The following MSANTD5 variants were observed in gnomAD, a reference collection of about 807,000 sequenced individuals.
MSANTD5 encodes Myb/SANT DNA binding domain containing 5, also known as uncharacterized protein MSANTD5.
chr5:178,703,072 T>C, the MSANTD5 span, among the ~76,000 whole-genome samples: 8 of 152,204 alleles, frequency 5.3e-5, no homozygotes, highest in Non-Finnish European at 1.0e-4. Context: ...ACAGATTCCA[T>C]GAAGACATCA....
upstream of MSANTD5, among the ~76,000 whole-genome samples, chr5:178,699,307 C>T (rs796705036): frequency 1.2e-4 from 19 of 152,342 alleles, no homozygotes; most frequent in African/African-American, 4.6e-4. Context: ...TTCTGCCCTG[C>T]TATAAATGGC....
chr5:178,693,561 A>C (rs151337097), downstream of MSANTD5, among the ~76,000 whole-genome samples: 579 of 152,146 alleles, frequency 3.8e-3, 18 homozygotes, highest in African/African-American at 0.014. Context: ...GTGCAGACCC[A>C]AAGGGTGAGC....
At chr5:178,704,307 C>T in the MSANTD5 span, among the ~76,000 whole-genome samples, 120 of 152,214 alleles carry the variant, frequency 7.9e-4, no homozygotes, top group African/African-American at 2.8e-3. Flanking sequence ...GGGGATGAGG[C>T]CCCCGGGAGA....
intron 1 of MSANTD5, among the ~76,000 whole-genome samples, chr5:178,697,272 G>A (rs900878030): frequency 6.7e-6 from 1 of 150,224 alleles, no homozygotes; most frequent in Admixed American, 6.6e-5. Flanking sequence ...GGCTAACACG[G>A]TGAAACCCCG....
At chr5:178,698,444 G>GC (rs34484660), upstream of MSANTD5, among the ~76,000 whole-genome samples, 99,729 of 151,938 alleles carry the variant, frequency 0.66, 34,579 homozygotes, top group East Asian at 0.76. Flanking sequence ...GATTAGGGAT[G>GC]CCCTCAGAAC....
intron 1 of MSANTD5, among the ~76,000 whole-genome samples, chr5:178,696,597 C>T (rs567159980): frequency 1.9e-4 from 29 of 152,124 alleles, no homozygotes; most frequent in Non-Finnish European, 4.0e-4. Context: ...TGGACAAGGG[C>T]GCGTGGGACA....
chr5:178,698,230 C>T (rs559891964), upstream of MSANTD5, among the ~76,000 whole-genome samples: 5 of 152,176 alleles, frequency 3.3e-5, no homozygotes, highest in East Asian at 9.6e-4. Context: ...AAGAGAGAGG[C>T]GAACAGAGCT....
chr5:178,701,563 G>A (rs1434995138), upstream of MSANTD5, among the ~76,000 whole-genome samples: 2 of 150,860 alleles, frequency 1.3e-5, no homozygotes, highest in Non-Finnish European at 3.0e-5. Flanking sequence ...TCCCGGCTAC[G>A]TGGGAGGCTG....
chr5:178,704,725 G>A, the MSANTD5 span, among the ~76,000 whole-genome samples: 4 of 152,202 alleles, frequency 2.6e-5, no homozygotes, highest in Non-Finnish European at 5.9e-5. Flanking sequence ...GATGAGAACC[G>A]GAAGAGTTGC....
chr5:178,705,497 C>A, the MSANTD5 span, among the ~76,000 whole-genome samples: 1 of 152,126 alleles, frequency 6.6e-6, no homozygotes, highest in Non-Finnish European at 1.5e-5. Flanking sequence ...GATGTACTCC[C>A]TGATGATTAG....
chr5:178,700,459 A>T (rs10044612), upstream of MSANTD5, among the ~76,000 whole-genome samples: 1,824 of 152,302 alleles, frequency 0.012, 29 homozygotes, highest in African/African-American at 0.042. Context: ...CTAGTCTGGC[A>T]TGAGCTCTTT....
chr5:178,702,885 C>T, the MSANTD5 span, among the ~76,000 whole-genome samples: 4 of 152,206 alleles, frequency 2.6e-5, no homozygotes, highest in Non-Finnish European at 5.9e-5. Flanking sequence ...ATGTGAGCCA[C>T]TGTGCCTGGC....
chr5:178,701,920 A>T (rs1356220775), upstream of MSANTD5, among the ~76,000 whole-genome samples: 2 of 150,864 alleles, frequency 1.3e-5, no homozygotes, highest in Non-Finnish European at 3.0e-5. Context: ...TTTAGTAGAA[A>T]CGGGGTTTCT....
chr5:178,702,634 G>C (rs1366344799), upstream of MSANTD5, among the ~76,000 whole-genome samples: 2 of 150,438 alleles, frequency 1.3e-5, no homozygotes, highest in Admixed American at 6.7e-5. Context: ...GTCTCTCTCT[G>C]TTGCTCAGAC....
upstream of MSANTD5, among the ~76,000 whole-genome samples, chr5:178,702,542 G>T (rs1310774482): frequency 6.6e-6 from 1 of 151,100 alleles, no homozygotes; most frequent in Non-Finnish European, 1.5e-5. Context: ...CTCATGATCC[G>T]CCTGCCTCGC....
chr5:178,701,311 T>A (rs1765481048), upstream of MSANTD5, among the ~76,000 whole-genome samples: 3 of 152,064 alleles, frequency 2.0e-5, no homozygotes, highest in South Asian at 6.2e-4. Flanking sequence ...GAAAATCATC[T>A]AATCTAGGGG....
At chr5:178,704,030 C>A in the MSANTD5 span, among the ~76,000 whole-genome samples, 1 of 151,504 alleles carries the variant, frequency 6.6e-6, no homozygotes, top group Non-Finnish European at 1.5e-5. Flanking sequence ...ATTGATATCC[C>A]AATTATACTG....
At chr5:178,701,266 G>A (rs116155397), upstream of MSANTD5, among the ~76,000 whole-genome samples, 3,251 of 151,986 alleles carry the variant, frequency 0.021, 117 homozygotes, top group African/African-American at 0.074. Flanking sequence ...CGTGAGCCAC[G>A]ATGCCCAGCT....
chr5:178,694,279 GCACTCC>G (rs1357428255), downstream of MSANTD5, among the ~76,000 whole-genome samples: 1 of 133,874 alleles, frequency 7.5e-6, no homozygotes, highest in Non-Finnish European at 1.5e-5. Context: ...TCATGCCACT[GCACTCC>G]AGCCTGGGCA....
Sources: allele counts gnomAD v4.1 joint callset (sites outside exome capture counted in the v4.1 genomes callset), GRCh38; gene constraint gnomAD v4.1.1; transcripts MANE v1.5; gene names NCBI Gene and HGNC (gene_info 2026-07-23, HGNC 2026-07-21).